ZNF385D: variants seen among roughly 807,000 people sequenced by gnomAD.
ZNF385D encodes zinc finger protein 659.
Under a neutral mutation model 35.8 loss-of-function variants are expected in ZNF385D, and 15 were observed. That is an observed-to-expected ratio of 0.42 (90% CI 0.28 to 0.64). ZNF385D has a LOEUF of 0.64. ZNF385D is among the 30% of genes least tolerant of loss of function. ZNF385D has a pLI of 0.23. For synonymous variants in ZNF385D, 212 were observed against 186.8 expected (o/e 1.13, Z -1.10); for missense variants, 474 against 494.6 (o/e 0.96, Z 0.39).
At chr3:22,137,430 C>T (rs1052114034) in intron 3 of ZNF385D, among the ~76,000 whole-genome samples, 1 of 152,130 alleles carries the variant, frequency 6.6e-6, no homozygotes, top group Non-Finnish European at 1.5e-5. Flanking sequence ...CAATAAAATA[C>T]TGGCAAATCG....
intron 4 of ZNF385D, among the ~76,000 whole-genome samples, chr3:21,462,626 A>G (rs1324338360): frequency 6.6e-6 from 1 of 152,234 alleles, no homozygotes; most frequent in Non-Finnish European, 1.5e-5. Context: ...TTTAAAAGCT[A>G]CAGAGTTCAA....
chr3:22,093,980 A>C (rs1701468044), intron 3 of ZNF385D, among the ~76,000 whole-genome samples: 2 of 152,128 alleles, frequency 1.3e-5, no homozygotes, highest in South Asian at 2.1e-4. Flanking sequence ...TATTCCAGGG[A>C]AACTAGCACC....
intron 1 of ZNF385D, among the ~76,000 whole-genome samples, chr3:21,722,265 A>G (rs1224934940): frequency 6.6e-6 from 1 of 152,146 alleles, no homozygotes; most frequent in Non-Finnish European, 1.5e-5. Context: ...TGGTTGAGTA[A>G]AATAGCAAGC....
At chr3:21,421,570 T>A in intron 7 of ZNF385D, 123 bp from the exon 8 acceptor site, 1 of 646,714 alleles carries the variant, frequency 1.5e-6, no homozygotes, top group Non-Finnish European at 2.6e-6. Flanking sequence ...AGCTTCACAC[T>A]TGTGAACTGA....
intron 2 of ZNF385D, among the ~76,000 whole-genome samples, chr3:21,636,134 A>G (rs1022794895): frequency 6.6e-6 from 1 of 151,570 alleles, no homozygotes; most frequent in African/African-American, 2.4e-5. Flanking sequence ...AAACCTCCAC[A>G]CTGTTTTCCG....
chr3:21,858,724 A>G (rs1223548872), intron 3 of ZNF385D, among the ~76,000 whole-genome samples: 1 of 152,128 alleles, frequency 6.6e-6, no homozygotes, highest in Non-Finnish European at 1.5e-5. Context: ...AGCTGTCTGA[A>G]CAGACTAAGA....
chr3:21,798,847 A>C (rs1254253791), intron 3 of ZNF385D, among the ~76,000 whole-genome samples: 1 of 152,194 alleles, frequency 6.6e-6, no homozygotes, highest in Non-Finnish European at 1.5e-5. Context: ...AAAATGTACA[A>C]TTCAGTAGCA....
chr3:21,900,855 T>C (rs1034937059), intron 3 of ZNF385D, among the ~76,000 whole-genome samples: 4 of 152,276 alleles, frequency 2.6e-5, no homozygotes, highest in African/African-American at 2.4e-5. Context: ...GGTAATTAAT[T>C]AAGTCCCCAT....
chr3:21,768,537 G>C (rs983723576), intron 3 of ZNF385D, among the ~76,000 whole-genome samples: 13 of 151,922 alleles, frequency 8.6e-5, no homozygotes, highest in African/African-American at 3.1e-4. Context: ...ATCAATTTTA[G>C]CTCTTAGAGT....
rs544380470 is a variant in ZNF385D, at chr3:21,763,464, A to ACAT, written c.326-98439_326-98437dup. 1.4e-3 allele frequency among the ~76,000 whole-genome samples: 215 copies of ACAT among 152,340 alleles called. 1 individual carries two copies. Among genetic ancestry groups the ACAT allele is most frequent in the African/African-American group, 5.1e-3 (210 of 41,584 alleles). ...CTAATTAATTTGAGGATGAACAAATACATCAGCTTTGAGAAACTTCCATAG... is the reference window on the plus strand; with the variant it reads ...CTAATTAATTTGAGGATGAACAAATACATCATCAGCTTTGAGAAACTTCCATAG... On this transcript the variant is annotated intron_variant, in intron 3 of 5. Coordinates refer to the ZNF385D transcript ENST00000494108.
At position 22,165,601 on chromosome 3, in the gene ZNF385D, A is replaced by T. The variant is rs536134457; in HGVS notation, c.325+3216T>A. ...TAAATGTTAGGGTTTGAAATAAATT[A>T]GGTTTGCTTTCATAACTCTGAGATT... On this transcript the variant is annotated intron_variant, in intron 3 of 5. Transcript: ENST00000494108. 6.6e-5 allele frequency among the ~76,000 whole-genome samples: 10 copies of T among 152,336 alleles called. No homozygotes were observed. The East Asian group carries it at 1.9e-3, about 29-fold the overall frequency.
At chr3:22,159,388 C>G (rs1441980254) in intron 3 of ZNF385D, among the ~76,000 whole-genome samples, 1 of 151,928 alleles carries the variant, frequency 6.6e-6, no homozygotes, top group Non-Finnish European at 1.5e-5. Context: ...TCATGAAAAA[C>G]TAGAGTATAC....
At chr3:21,454,970 G>A (rs1035870958) in intron 4 of ZNF385D, among the ~76,000 whole-genome samples, 1 of 152,056 alleles carries the variant, frequency 6.6e-6, no homozygotes, top group Non-Finnish European at 1.5e-5. Flanking sequence ...AATCATGAGT[G>A]AACTCCCATT....
intron 3 of ZNF385D, among the ~76,000 whole-genome samples, chr3:21,809,146 T>C (rs748659826): frequency 1.1e-4 from 16 of 152,114 alleles, no homozygotes; most frequent in Non-Finnish European, 1.6e-4. Context: ...CAAGATGACA[T>C]AGATGTTGAA....
intron 3 of ZNF385D, among the ~76,000 whole-genome samples, chr3:21,909,314 C>A (rs547775684): frequency 6.6e-6 from 1 of 152,050 alleles, no homozygotes; most frequent in East Asian, 1.9e-4. Context: ...TTTTATGCAG[C>A]AAAAGTTCAT....
At position 22,077,124 on chromosome 3, in the gene ZNF385D, C is replaced by T. The variant is rs561410265; in HGVS notation, c.325+91693G>A. Among the ~76,000 whole-genome samples the T allele has an allele frequency of 6.6e-5, 10 of 151,986 alleles. No homozygotes were observed. In the South Asian group the frequency reaches 2.1e-3, roughly 32 times the overall value. On this transcript the variant is annotated intron_variant, in intron 3 of 5. Transcript: ENST00000494108. ...AAATATATATAATAAAAAGCATTAA[C>T]AGTGTTAGTAAATGATTATGTAGCA...
At chr3:21,803,165 T>A (rs766684102) in intron 3 of ZNF385D, among the ~76,000 whole-genome samples, 39 of 152,078 alleles carry the variant, frequency 2.6e-4, no homozygotes, top group Non-Finnish European at 4.4e-4. Context: ...TCTGTATCTG[T>A]CAGTAAAGCA....
At chr3:22,017,778 G>T (rs903928884) in intron 3 of ZNF385D, among the ~76,000 whole-genome samples, 3 of 151,758 alleles carry the variant, frequency 2.0e-5, no homozygotes, top group Non-Finnish European at 4.4e-5. Context: ...AGCACACCTT[G>T]TTTCTAACAA....
At chr3:22,319,122 A>G (rs984910723) in intron 2 of ZNF385D, among the ~76,000 whole-genome samples, 4 of 152,182 alleles carry the variant, frequency 2.6e-5, no homozygotes, top group Admixed American at 2.0e-4. Flanking sequence ...GCCGCCCAAT[A>G]TAAGTATCTT....
Sources: allele counts gnomAD v4.1 joint callset (sites outside exome capture counted in the v4.1 genomes callset), GRCh38; gene constraint gnomAD v4.1.1; transcripts MANE v1.5; gene names NCBI Gene and HGNC (gene_info 2026-07-23, HGNC 2026-07-21).